Variants in PABPC4L observed in about 807,000 individuals in gnomAD.
The protein encoded by PABPC4L is polyadenylate-binding protein 4-like.
For synonymous variants in PABPC4L, 169 were observed against 164.1 expected, an observed-to-expected ratio of 1.03 and a Z score of -0.23; for missense variants, 452 against 451.4, an observed-to-expected ratio of 1.00 and a Z score of -0.01.
At chr4:134,053,490 T>C in the PABPC4L span, among the ~76,000 whole-genome samples, 1 of 152,086 alleles carries the variant, frequency 6.6e-6, no homozygotes, top group African/African-American at 2.4e-5. Flanking sequence ...AATAACCCTG[T>C]AGAGAATAGA....
At chr4:134,176,913 C>T in the PABPC4L span, among the ~76,000 whole-genome samples, 2 of 152,250 alleles carry the variant, frequency 1.3e-5, no homozygotes, top group African/African-American at 4.8e-5. Context: ...AGGGGCAACT[C>T]ACAAGTCCAA....
At chr4:134,191,061 A>C in the PABPC4L span, among the ~76,000 whole-genome samples, 2 of 152,184 alleles carry the variant, frequency 1.3e-5, no homozygotes, top group African/African-American at 4.8e-5. Flanking sequence ...GTTGAATTGC[A>C]TAATTGTCAG....
At chr4:133,988,969 C>G in the PABPC4L span, among the ~76,000 whole-genome samples, 24 of 152,160 alleles carry the variant, frequency 1.6e-4, no homozygotes, top group Non-Finnish European at 2.9e-4. Context: ...AGGCATGGAG[C>G]TTGCACCCTC....
At chr4:134,017,411 T>C in the PABPC4L span, among the ~76,000 whole-genome samples, 2 of 152,076 alleles carry the variant, frequency 1.3e-5, no homozygotes, top group Admixed American at 1.3e-4. Flanking sequence ...AAACTTGTCA[T>C]CCCTACTTCT....
the PABPC4L span, among the ~76,000 whole-genome samples, chr4:133,984,647 A>C: frequency 6.6e-6 from 1 of 151,928 alleles, no homozygotes; most frequent in Non-Finnish European, 1.5e-5. Flanking sequence ...TTGGGCCAGT[A>C]GGTGTGACAT....
the PABPC4L span, among the ~76,000 whole-genome samples, chr4:134,025,932 GGA>G: frequency 5.9e-5 from 9 of 152,190 alleles, no homozygotes; most frequent in South Asian, 1.9e-3. Context: ...ACCAAGGAAG[GGA>G]GATATTTTAA....
At chr4:134,039,844 A>G in the PABPC4L span, among the ~76,000 whole-genome samples, 2 of 151,886 alleles carry the variant, frequency 1.3e-5, no homozygotes, top group Non-Finnish European at 2.9e-5. Flanking sequence ...AATCTCCTTA[A>G]GCTGATAAGC....
At chr4:134,185,861 C>T in the PABPC4L span, among the ~76,000 whole-genome samples, 1 of 152,044 alleles carries the variant, frequency 6.6e-6, no homozygotes, top group African/African-American at 2.4e-5. Flanking sequence ...AACCAATGTG[C>T]AAAAATCACA....
the PABPC4L span, among the ~76,000 whole-genome samples, chr4:134,178,110 C>G: frequency 6.6e-6 from 1 of 152,060 alleles, no homozygotes; most frequent in African/African-American, 2.4e-5. Flanking sequence ...TGAGGGCAGG[C>G]ACAACCTTGT....
downstream of PABPC4L, among the ~76,000 whole-genome samples, chr4:134,193,021 A>G (rs1217594835): frequency 8.5e-5 from 13 of 152,102 alleles, no homozygotes; most frequent in Admixed American, 7.9e-4. Context: ...CCTCTTTAAC[A>G]TAAGTTCTAA....
chr4:134,078,819 A>T, the PABPC4L span, among the ~76,000 whole-genome samples: 1 of 148,868 alleles, frequency 6.7e-6, no homozygotes, highest in Non-Finnish European at 1.5e-5. Context: ...TGCCTGGCTA[A>T]TTTTTTTTTC....
At chr4:134,013,527 G>A in the PABPC4L span, among the ~76,000 whole-genome samples, 8 of 151,982 alleles carry the variant, frequency 5.3e-5, no homozygotes, top group East Asian at 5.8e-4. Context: ...TTTCTTCTGC[G>A]ATGCCACTTG....
the PABPC4L span, among the ~76,000 whole-genome samples, chr4:134,039,752 C>CGATGG: frequency 2.6e-5 from 4 of 151,860 alleles, no homozygotes; most frequent in African/African-American, 9.6e-5. Context: ...TGCAGCACAC[C>CGATGG]GATGGGTCTT....
chr4:134,159,678 G>T, the PABPC4L span, among the ~76,000 whole-genome samples: 1 of 152,120 alleles, frequency 6.6e-6, no homozygotes, highest in East Asian at 1.9e-4. Flanking sequence ...GTGGCCAGGG[G>T]CCCCAAATAA....
the PABPC4L span, among the ~76,000 whole-genome samples, chr4:133,979,394 C>A: frequency 1.3e-5 from 2 of 151,832 alleles, no homozygotes; most frequent in African/African-American, 4.8e-5. Flanking sequence ...TAGGAGGAAC[C>A]CTGAGAACAA....
chr4:134,176,525 T>TA, the PABPC4L span, among the ~76,000 whole-genome samples: 4 of 151,910 alleles, frequency 2.6e-5, no homozygotes, highest in Admixed American at 6.6e-5. Context: ...TAGAAACACT[T>TA]AAAAATAATC....
At chr4:133,956,365 A>C in the PABPC4L span, among the ~76,000 whole-genome samples, 2 of 152,206 alleles carry the variant, frequency 1.3e-5, no homozygotes, top group African/African-American at 2.4e-5. Context: ...CACCATGAAA[A>C]GATAGCAAAA....
Position 134,200,526 on chromosome 4 carries a change from C to T in PABPC4L, c.494G>A (p.Cys165Tyr), listed in dbSNP as rs1355665976. 1.9e-6 allele frequency: 3 copies of T among 1,551,522 alleles called. No homozygotes were observed. Among genetic ancestry groups the T allele is most frequent in the African/African-American group, 1.4e-5 (1 of 73,032 alleles). Reference protein sequence around the residue: ...EEMNGKLLKGCKVFVGRFKNR... With the variant: ...EEMNGKLLKGYKVFVGRFKNR... ...TTTGAATCTGCCAACAAACACCTTGCAGCCCTTGAGTAGTTTTCCATTCAT... is the reference window on the plus strand; with the variant it reads ...TTTGAATCTGCCAACAAACACCTTGTAGCCCTTGAGTAGTTTTCCATTCAT... The change falls in exon 2 of 2, where the codon TGC becomes TAC. Residue 165 changes from cysteine to tyrosine, a missense_variant. Cys to Tyr is a radical substitution (Grantham distance 194). Transcript: ENST00000421491.
At chr4:134,164,132 G>A in the PABPC4L span, among the ~76,000 whole-genome samples, 21 of 149,682 alleles carry the variant, frequency 1.4e-4, no homozygotes, top group Non-Finnish European at 1.9e-4. Flanking sequence ...GCGTAGTGGC[G>A]GGCGCCTGTA....
Sources: gnomAD v4.1 joint callset for allele counts (sites outside exome capture counted in the v4.1 genomes callset) on GRCh38, gnomAD v4.1.1 for gene constraint, MANE v1.5 for transcripts, NCBI Gene and HGNC (gene_info 2026-07-23, HGNC 2026-07-21) for gene names.